PUS7: variants seen among roughly 807,000 people sequenced by gnomAD.
PUS7 encodes the protein pseudouridylate synthase 7 homolog.
PUS7 carries 48 observed loss-of-function variants against 79.8 expected under a neutral mutation model. That is an observed-to-expected ratio of 0.60 (90% CI 0.48 to 0.76). The LOEUF is 0.76. Among genes scored for constraint, PUS7 ranks in the 30% least tolerant of loss-of-function variants. PUS7 has a pLI of 0.00. For missense variants in PUS7, 729 were observed against 797.6 expected (o/e 0.91, Z 1.04); for synonymous variants, 286 against 272.2 (o/e 1.05, Z -0.50).
rs751500860 is a variant in PUS7 at position 105,491,524 on chromosome 7, C to T, written c.920+16G>A. The T allele has an allele frequency of 1.6e-5, 25 of 1,516,836 alleles. 1 individual carries two copies. Among genetic ancestry groups the T allele is most frequent in the Admixed American group, 1.1e-4 (6 of 56,500 alleles). 94.0% of individuals were successfully genotyped at this position (1,516,836 alleles called of 1,614,324 possible). A position where few individuals can be genotyped will look rare whatever the true frequency, so the allele number is the denominator to read the frequency against. ...GATATTTACAGTATAAATCCTGTTA[C>T]GTGCTCTCTACTTACTTGAGAACAG... On this transcript the variant is annotated intron_variant, in intron 7 of 15. Transcript: ENST00000469408.
Position 105,520,504 on chromosome 7 carries a change from G to T in PUS7, c.-33+1548C>A, listed in dbSNP as rs186708689. Among the ~76,000 whole-genome samples the T allele has an allele frequency of 6.4e-3, 857 of 134,798 alleles. 8 individuals are homozygous for T. The highest frequency in any genetic ancestry group is 0.021 in the African/African-American group (824 of 39,672). 88.4% of individuals were successfully genotyped at this position (134,798 alleles called of 152,430 possible). ...GCCTCTGCAATACATGTGGGCGACA[G>T]AGCGAGACTGTCTCAAAATAAATAA... On this transcript the variant is annotated intron_variant, in intron 1 of 15. Coordinates refer to ENST00000469408, the MANE Select transcript of PUS7 (RefSeq NM_019042.5).
chr7:105,517,515 G>C (rs1445692975), intron 1 of PUS7, among the ~76,000 whole-genome samples: 1 of 152,110 alleles, frequency 6.6e-6, no homozygotes, highest in Non-Finnish European at 1.5e-5. Flanking sequence ...TGTTTCCTCT[G>C]CACTCCAAAT....
At chr7:105,480,429 T>C (rs989192346) in intron 9 of PUS7, among the ~76,000 whole-genome samples, 1 of 151,984 alleles carries the variant, frequency 6.6e-6, no homozygotes, top group Non-Finnish European at 1.5e-5. Flanking sequence ...GAGCCAACAT[T>C]GCACCACTGT....
intron 7 of PUS7, among the ~76,000 whole-genome samples, chr7:105,486,044 T>TG (rs1009125583): frequency 5.3e-5 from 8 of 151,470 alleles, no homozygotes; most frequent in African/African-American, 1.7e-4. Flanking sequence ...TTCTTTTTTT[T>TG]TTTTGTTTTG....
chr7:105,510,711 C>T (rs1825668818), intron 1 of PUS7, among the ~76,000 whole-genome samples: 1 of 152,068 alleles, frequency 6.6e-6, no homozygotes, highest in African/African-American at 2.4e-5. Flanking sequence ...GACAGGGGTT[C>T]ACCATGTTGG....
intron 8 of PUS7, among the ~76,000 whole-genome samples, chr7:105,482,011 T>A (rs996370159): frequency 6.6e-6 from 1 of 152,236 alleles, no homozygotes; most frequent in African/African-American, 2.4e-5. Flanking sequence ...ATTACAGGCG[T>A]GAGCCACTGC....
At chr7:105,461,669 A>G (rs1823432706) in intron 14 of PUS7, among the ~76,000 whole-genome samples, 1 of 152,254 alleles carries the variant, frequency 6.6e-6, no homozygotes, top group Non-Finnish European at 1.5e-5. Flanking sequence ...ACTGCTTAAC[A>G]AGAGGGACAT....
chr7:105,467,000 G>C (rs1169091106), intron 12 of PUS7, among the ~76,000 whole-genome samples: 2 of 148,450 alleles, frequency 1.3e-5, no homozygotes, highest in East Asian at 4.1e-4. Context: ...ATGGAGTTTG[G>C]AATCAGATAG....
chr7:105,510,964 A>G (rs1414332927), intron 1 of PUS7, among the ~76,000 whole-genome samples: 1 of 152,210 alleles, frequency 6.6e-6, no homozygotes, highest in African/African-American at 2.4e-5. Context: ...TCTCCAAGGC[A>G]TGGTTAACAA....
At chr7:105,470,979 C>T (rs1173113659) in intron 10 of PUS7, 131 bp from the exon 11 acceptor site, 1 of 993,620 alleles carries the variant, frequency 1.0e-6, no homozygotes, top group African/African-American at 1.6e-5. Context: ...ATAGCTACCA[C>T]TCATCTGAGG....
intron 14 of PUS7, among the ~76,000 whole-genome samples, 177 bp from the exon 15 acceptor site, chr7:105,459,436 A>T (rs1235261203): frequency 1.3e-5 from 2 of 151,370 alleles, no homozygotes; most frequent in Non-Finnish European, 2.9e-5. Context: ...GCTTATATAT[A>T]TAATTTTTTT....
chr7:105,496,909 C>CT, intron 5 of PUS7: 1 of 1,154,590 alleles, frequency 8.7e-7, no homozygotes, highest in South Asian at 1.7e-5. Context: ...GTGACAAAAT[C>CT]TTTGGCATTT....
chr7:105,493,123 T>C (rs950862888), intron 6 of PUS7, among the ~76,000 whole-genome samples: 5 of 152,242 alleles, frequency 3.3e-5, no homozygotes, highest in Non-Finnish European at 5.9e-5. Flanking sequence ...AGATATAATG[T>C]ACCACTATGA....
intron 11 of PUS7, among the ~76,000 whole-genome samples, chr7:105,469,924 G>A (rs1345076561): frequency 1.7e-4 from 26 of 152,162 alleles, no homozygotes; most frequent in Non-Finnish European, 1.5e-5. Context: ...ACAAATTTGT[G>A]TGGGGCCACA....
chr7:105,499,386 GACCATTC>G (rs1483011990), intron 5 of PUS7, among the ~76,000 whole-genome samples: 3 of 152,100 alleles, frequency 2.0e-5, no homozygotes, highest in Non-Finnish European at 4.4e-5. Context: ...CCCTCCTGGG[GACCATTC>G]ATTTCAGAAA....
Position 105,456,892 on chromosome 7 carries a change from A to G in PUS7, c.*898T>C, listed in dbSNP as rs1823210222. 1 of 152,168 alleles carries G rather than the reference A, an allele frequency of 6.6e-6. No homozygotes were observed. The allele number at this position is 152,168 out of a possible 1,614,324, so 9.4% of individuals were successfully genotyped here. ...TGTACACGTTTACATCAAGAAAAAA[A>G]AACCCGGCCAGCACAGCTCATGCCT... is the stretch of plus-strand genomic sequence containing the variant. On this transcript the variant is annotated 3_prime_UTR_variant, in exon 16 of 16. Transcript: ENST00000469408.
At chr7:105,500,693 A>C (rs1825210977) in intron 5 of PUS7, among the ~76,000 whole-genome samples, 1 of 152,170 alleles carries the variant, frequency 6.6e-6, no homozygotes, top group African/African-American at 2.4e-5. Context: ...AAGTGCCCCA[A>C]GGCATGGCTG....
intron 10 of PUS7, among the ~76,000 whole-genome samples, chr7:105,471,436 A>G (rs1330985303): frequency 6.6e-6 from 1 of 152,250 alleles, no homozygotes; most frequent in Non-Finnish European, 1.5e-5. Flanking sequence ...ACTCAGATTT[A>G]GTAGTGAGTG....
At chr7:105,468,299 C>G in intron 12 of PUS7, 38 bp downstream of exon 12, 1 of 1,598,180 alleles carries the variant, frequency 6.3e-7, no homozygotes, top group Admixed American at 1.8e-5. Context: ...TAACTGAACC[C>G]TAGCTTAGCT....
Sources: allele counts gnomAD v4.1 joint callset (sites outside exome capture counted in the v4.1 genomes callset), GRCh38; gene constraint gnomAD v4.1.1; transcripts MANE v1.5; gene names NCBI Gene and HGNC (gene_info 2026-07-23, HGNC 2026-07-21).